Variants in TMEM132C observed in about 807,000 individuals in gnomAD.
TMEM132C encodes protein phosphatase 1, regulatory subunit 152.
TMEM132C carries 29 observed loss-of-function variants against 61.4 expected under a neutral mutation model. The ratio of observed to expected loss-of-function variants is 0.47; its 90% CI spans 0.35 to 0.64. TMEM132C has a LOEUF of 0.64. Among genes scored for constraint, TMEM132C ranks in the 30% least tolerant of loss-of-function variants. The pLI is 0.00. For synonymous variants in TMEM132C, 656 were observed against 633.1 expected (o/e 1.04, Z -0.54); for missense variants, 1,408 against 1,476.9 (o/e 0.95, Z 0.76).
chr12:128,687,535 G>A (rs1029890037), intron 5 of TMEM132C, among the ~76,000 whole-genome samples: 3 of 152,142 alleles, frequency 2.0e-5, no homozygotes, highest in African/African-American at 4.8e-5. Context: ...GACAAGTAGG[G>A]GAGGAGCCTT....
intron 1 of TMEM132C, among the ~76,000 whole-genome samples, chr12:128,344,160 TA>T (rs1873073588): frequency 6.6e-6 from 1 of 152,188 alleles, no homozygotes; most frequent in Non-Finnish European, 1.5e-5. Context: ...TATTTCTTTT[TA>T]TTTTTTTATT....
intron 2 of TMEM132C, among the ~76,000 whole-genome samples, chr12:128,528,460 T>G (rs1384307121): frequency 6.6e-6 from 1 of 152,134 alleles, no homozygotes; most frequent in Admixed American, 6.6e-5. Flanking sequence ...TGGACAGTGT[T>G]TTTGGGGAGC....
chr12:128,599,041 A>T (rs1391028434), intron 3 of TMEM132C, among the ~76,000 whole-genome samples: 1 of 141,398 alleles, frequency 7.1e-6, no homozygotes, highest in Admixed American at 7.0e-5. Context: ...GTGGGAAGGA[A>T]AAAAGAAGCC....
rs187504728 is a variant in TMEM132C at position 128,624,033 on chromosome 12, A to C, written c.1305+7698A>C. Reference sequence around the variant, plus strand: ...GGCCCAGGAGGGAACACCATGCCACAGTGTTGATTAATGACAGCCTTTCTC... The same window carrying C: ...GGCCCAGGAGGGAACACCATGCCACCGTGTTGATTAATGACAGCCTTTCTC... On this transcript the variant is annotated intron_variant, in intron 4 of 8. Coordinates refer to ENST00000435159, the MANE Select transcript of TMEM132C (RefSeq NM_001136103.3). Among the ~76,000 whole-genome samples the C allele has an allele frequency of 1.1e-4, 17 of 152,290 alleles. No homozygotes were observed. The East Asian group carries it at 3.1e-3, about 28-fold the overall frequency.
chr12:128,269,347 C>CGTGTGTGTATGTGTGTGT (rs150080355), intron 1 of TMEM132C, among the ~76,000 whole-genome samples: 1 of 143,050 alleles, frequency 7.0e-6, no homozygotes, highest in African/African-American at 2.7e-5. Flanking sequence ...GCTCACATTC[C>CGTGTGTGTATGTGTGTGT]GTGTGTGTGT....
chr12:128,394,945 T>C (rs1874893521), intron 1 of TMEM132C, among the ~76,000 whole-genome samples: 1 of 150,064 alleles, frequency 6.7e-6, no homozygotes, highest in Admixed American at 6.7e-5. Context: ...AAAACACATG[T>C]GACCATCCCA....
chr12:128,352,217 G>A (rs146135006), intron 1 of TMEM132C, among the ~76,000 whole-genome samples: 31 of 152,294 alleles, frequency 2.0e-4, no homozygotes, highest in African/African-American at 7.2e-4. Context: ...ACAGTTCCAC[G>A]GGGCTGGGGA....
chr12:128,652,216 C>T (rs925049222), intron 4 of TMEM132C, among the ~76,000 whole-genome samples: 16 of 152,076 alleles, frequency 1.1e-4, no homozygotes, highest in Admixed American at 2.0e-4. Flanking sequence ...ATGAGAGAAC[C>T]CTTACCCCAT....
chr12:128,372,837 C>T (rs1054560379), intron 1 of TMEM132C, among the ~76,000 whole-genome samples: 7 of 151,900 alleles, frequency 4.6e-5, no homozygotes, highest in Non-Finnish European at 8.8e-5. Context: ...AACATGCTTA[C>T]GTTCTAGAAA....
chr12:128,452,878 T>C (rs1477501467), intron 2 of TMEM132C, among the ~76,000 whole-genome samples: 1 of 152,184 alleles, frequency 6.6e-6, no homozygotes, highest in East Asian at 1.9e-4. Flanking sequence ...TTTTATCAAG[T>C]AGCATGAGTT....
chr12:128,457,102 A>G (rs753310383), intron 2 of TMEM132C, among the ~76,000 whole-genome samples: 3 of 152,098 alleles, frequency 2.0e-5, no homozygotes, highest in African/African-American at 4.8e-5. Flanking sequence ...ATGAATATTT[A>G]TATGCATGTT....
chr12:128,680,705 T>C (rs1954627906), intron 5 of TMEM132C, among the ~76,000 whole-genome samples: 2 of 152,200 alleles, frequency 1.3e-5, no homozygotes, highest in African/African-American at 4.8e-5. Context: ...TAGGAAAGGT[T>C]GATGGATAAA....
chr12:128,403,823 C>T (rs527525166), intron 1 of TMEM132C, among the ~76,000 whole-genome samples: 85 of 152,322 alleles, frequency 5.6e-4, no homozygotes, highest in Middle Eastern at 6.8e-3. Context: ...TCTTTCTGGG[C>T]TGGAGAAGGC....
At chr12:128,318,951 C>G (rs1160500992) in intron 1 of TMEM132C, among the ~76,000 whole-genome samples, 1 of 152,168 alleles carries the variant, frequency 6.6e-6, no homozygotes, top group African/African-American at 2.4e-5. Context: ...AAAACACTTC[C>G]CCCCAGACCT....
intron 3 of TMEM132C, among the ~76,000 whole-genome samples, chr12:128,551,407 C>T (rs1383268416): frequency 6.6e-6 from 1 of 152,166 alleles, no homozygotes; most frequent in East Asian, 1.9e-4. Context: ...AGACAGCTAG[C>T]ACCTGCTCCA....
At chr12:128,524,973 T>C (rs1472753065) in intron 2 of TMEM132C, among the ~76,000 whole-genome samples, 1 of 152,194 alleles carries the variant, frequency 6.6e-6, no homozygotes, top group African/African-American at 2.4e-5. Context: ...CTGCCCACTG[T>C]AGCAGTTGTT....
At chr12:128,688,117 C>T (rs374726109) in intron 5 of TMEM132C, among the ~76,000 whole-genome samples, 33 of 152,244 alleles carry the variant, frequency 2.2e-4, no homozygotes, top group African/African-American at 5.8e-4. Flanking sequence ...CCCCTTGCCA[C>T]GGGCATGCCA....
chr12:128,306,180 A>T (rs1335852278), intron 1 of TMEM132C, among the ~76,000 whole-genome samples: 1 of 151,280 alleles, frequency 6.6e-6, no homozygotes, highest in Non-Finnish European at 1.5e-5. Flanking sequence ...AGCATGGAAA[A>T]CACCTCTTTA....
chr12:128,338,214 G>T (rs1479867941), intron 1 of TMEM132C, among the ~76,000 whole-genome samples: 1 of 152,222 alleles, frequency 6.6e-6, no homozygotes, highest in East Asian at 1.9e-4. Context: ...TGAAGCACTG[G>T]TTAGGTTTGC....
Sources: gnomAD v4.1 joint callset for allele counts (sites outside exome capture counted in the v4.1 genomes callset) on GRCh38, gnomAD v4.1.1 for gene constraint, MANE v1.5 for transcripts, NCBI Gene and HGNC (gene_info 2026-07-23, HGNC 2026-07-21) for gene names.